Variants in STX8 observed in about 807,000 individuals in gnomAD.
STX8 encodes the protein syntaxin 8, also known as syntaxin-8.
A neutral mutation model predicts 37.5 loss-of-function variants in STX8; 23 were observed. The observed-to-expected ratio is 0.61, with a 90% CI of 0.44 to 0.87. The LOEUF is 0.87. STX8 is among the 40% of genes least tolerant of loss of function. The pLI is 0.00. For missense variants in STX8, 313 were observed against 284.7 expected, an observed-to-expected ratio of 1.10 and a Z score of -0.71; for synonymous variants, 115 against 99.1, an observed-to-expected ratio of 1.16 and a Z score of -0.95.
At chr17:9,373,644 A>ATCCAAG (rs1361180024) in intron 7 of STX8, among the ~76,000 whole-genome samples, 1 of 152,138 alleles carries the variant, frequency 6.6e-6, no homozygotes, top group African/African-American at 2.4e-5. Flanking sequence ...TCAGTTTGGG[A>ATCCAAG]TGTTAAAAAA....
At chr17:9,401,092 C>T (rs1451627391) in intron 6 of STX8, among the ~76,000 whole-genome samples, 2 of 152,220 alleles carry the variant, frequency 1.3e-5, no homozygotes, top group African/African-American at 4.8e-5. Context: ...GAAATGCTAA[C>T]AGGATCACAG....
intron 6 of STX8, among the ~76,000 whole-genome samples, chr17:9,427,475 C>CA (rs1392841098): frequency 1.3e-5 from 2 of 152,140 alleles, no homozygotes; most frequent in African/African-American, 2.4e-5. Context: ...TCACATCCTA[C>CA]AAAATCACAC....
rs568630344 is a variant in STX8 at position 9,422,358 on chromosome 17, C to T, written c.542-43705G>A. 4.2e-4 allele frequency among the ~76,000 whole-genome samples: 64 copies of T among 152,310 alleles called. 1 individual carries two copies. Among genetic ancestry groups the T allele is most frequent in the African/African-American group, 1.5e-3 (62 of 41,572 alleles). ...CTGACCTCAGGTGATTTGCCCACCT[C>T]GGCCTCCCAAAGTGCTGGGATTACA... On this transcript the variant is annotated intron_variant, in intron 6 of 7. Coordinates refer to ENST00000306357, the MANE Select transcript of STX8 (RefSeq NM_004853.3).
intron 7 of STX8, among the ~76,000 whole-genome samples, chr17:9,355,346 T>C (rs1473088535): frequency 6.7e-6 from 1 of 148,806 alleles, no homozygotes; most frequent in Non-Finnish European, 1.5e-5. Context: ...TTTTTTTTTT[T>C]TTTTTTGAGA....
chr17:9,394,232 C>T (rs1173210423), intron 6 of STX8, among the ~76,000 whole-genome samples: 5 of 152,144 alleles, frequency 3.3e-5, no homozygotes, highest in South Asian at 4.1e-4. Context: ...CCATGCTAAG[C>T]GCGGCTTTGG....
intron 6 of STX8, among the ~76,000 whole-genome samples, chr17:9,409,010 A>ACC (rs138660579): frequency 6.6e-6 from 1 of 150,982 alleles, no homozygotes; most frequent in Non-Finnish European, 1.5e-5. Flanking sequence ...GGTTCTCCCT[A>ACC]CCCCCCCTAC....
intron 7 of STX8, among the ~76,000 whole-genome samples, chr17:9,329,453 TG>T (rs1159460338): frequency 6.6e-6 from 1 of 152,236 alleles, no homozygotes; most frequent in Non-Finnish European, 1.5e-5. Flanking sequence ...GCCACTTGGC[TG>T]GCTGGGTGAT....
chr17:9,573,722 A>C (rs1907782253), intron 1 of STX8, among the ~76,000 whole-genome samples: 1 of 152,198 alleles, frequency 6.6e-6, no homozygotes, highest in African/African-American at 2.4e-5. Flanking sequence ...TGAGCCCAAC[A>C]GTTCTATTTC....
At chr17:9,534,186 AAAC>A (rs35086110) in intron 4 of STX8, among the ~76,000 whole-genome samples, 71,073 of 151,446 alleles carry the variant, frequency 0.47, 17,141 homozygotes, top group Middle Eastern at 0.54. Flanking sequence ...GTTTTCATAT[AAAC>A]AACAACAATA....
intron 6 of STX8, among the ~76,000 whole-genome samples, chr17:9,403,173 C>T (rs563492150): frequency 3.9e-5 from 6 of 152,194 alleles, no homozygotes; most frequent in East Asian, 1.9e-4. Flanking sequence ...AATCAAAAGA[C>T]GAAACTGACA....
chr17:9,525,901 G>A (rs1398648871), intron 4 of STX8, among the ~76,000 whole-genome samples: 1 of 152,184 alleles, frequency 6.6e-6, no homozygotes, highest in African/African-American at 2.4e-5. Flanking sequence ...ACAACAGTTT[G>A]AGGAATCATG....
rs575285952 is a variant in STX8, at chr17:9,360,738, GAA to G, written c.643+17812_643+17813del. ...AACGACCGTTTTAAGGGCCAAAAGA[GAA>G]ATACGGGCTGTTTCGAGCGTGAATC... On this transcript the variant is annotated intron_variant, in intron 7 of 7. Coordinates refer to ENST00000306357, the MANE Select transcript of STX8 (RefSeq NM_004853.3). Among the ~76,000 whole-genome samples the G allele has an allele frequency of 8.4e-3, 1,262 of 150,692 alleles. 23 individuals are homozygous for G. Among genetic ancestry groups the G allele is most frequent in the African/African-American group, 0.029 (1,189 of 41,034 alleles).
At chr17:9,376,510 G>A (rs1226091321) in intron 7 of STX8, among the ~76,000 whole-genome samples, 4 of 152,212 alleles carry the variant, frequency 2.6e-5, no homozygotes, top group Non-Finnish European at 5.9e-5. Context: ...GACATGGGCG[G>A]AGCCAAAGAG....
intron 6 of STX8, among the ~76,000 whole-genome samples, chr17:9,443,762 T>A (rs956842681): frequency 6.6e-6 from 1 of 152,222 alleles, no homozygotes; most frequent in Non-Finnish European, 1.5e-5. Context: ...GAACCCCACC[T>A]ACCATAGGTG....
chr17:9,558,758 G>A (rs899475621), intron 2 of STX8, among the ~76,000 whole-genome samples: 1 of 151,960 alleles, frequency 6.6e-6, no homozygotes, highest in African/African-American at 2.4e-5. Context: ...TGGAGGCGGA[G>A]CTTGCAGTGA....
At chr17:9,269,103 C>T (rs1007855988) in intron 7 of STX8, among the ~76,000 whole-genome samples, 8 of 151,350 alleles carry the variant, frequency 5.3e-5, no homozygotes, top group Non-Finnish European at 7.4e-5. Context: ...AGGAGAATGG[C>T]GTGAACCCGG....
chr17:9,272,760 G>A (rs1351506160), intron 7 of STX8, among the ~76,000 whole-genome samples: 1 of 152,176 alleles, frequency 6.6e-6, no homozygotes, highest in African/African-American at 2.4e-5. Context: ...GAACACTTCT[G>A]CATTCTTGAT....
chr17:9,338,908 A>G (rs946455254), intron 7 of STX8, among the ~76,000 whole-genome samples: 2 of 151,880 alleles, frequency 1.3e-5, no homozygotes, highest in Non-Finnish European at 2.9e-5. Flanking sequence ...TGTCTCTACT[A>G]AAAATACAAA....
chr17:9,528,454 T>C (rs9908565), intron 4 of STX8, among the ~76,000 whole-genome samples: 1,645 of 152,218 alleles, frequency 0.011, 34 homozygotes, highest in African/African-American at 0.038. Context: ...CGTGCCACCA[T>C]GCCCGGCTAA....
Sources: gnomAD v4.1 joint callset for allele counts (sites outside exome capture counted in the v4.1 genomes callset) on GRCh38, gnomAD v4.1.1 for gene constraint, MANE v1.5 for transcripts, NCBI Gene and HGNC (gene_info 2026-07-23, HGNC 2026-07-21) for gene names.